The following WDR27 variants were observed in gnomAD, a reference collection of about 807,000 sequenced individuals.
The protein encoded by WDR27 is WD repeat domain 27.
WDR27 carries 100 observed loss-of-function variants against 114.4 expected under a neutral mutation model. The ratio of observed to expected loss-of-function variants is 0.87; its 90% confidence interval spans 0.74 to 1.03. The LOEUF (loss-of-function observed/expected upper bound fraction) is 1.03, where lower values mean the gene tolerates loss of function less well. WDR27 is among the 50% of genes least tolerant of loss of function. WDR27 has a pLI of 0.00. For missense variants in WDR27, 1,129 were observed against 1,092.9 expected (o/e 1.03, Z -0.47); for synonymous variants, 449 against 423.1 (o/e 1.06, Z -0.75).
In WDR27 at chr6:169,480,847, C is replaced by T. The variant is rs555529567; in HGVS notation, c.2646-23213G>A. On this transcript the variant is annotated intron_variant, in intron 25 of 25. Coordinates refer to ENST00000448612, the MANE Select transcript of WDR27 (RefSeq NM_182552.5). Reference sequence around the variant, plus strand: ...CAAGGTTTGTAAATGCACCAATCAGCACTCTGTGTCTAGCTAAAAGTTTGT... The same window carrying T: ...CAAGGTTTGTAAATGCACCAATCAGTACTCTGTGTCTAGCTAAAAGTTTGT... Among the ~76,000 whole-genome samples the T allele has an allele frequency of 2.7e-5, 4 of 148,258 alleles. No individual in the cohort carries two copies. The East Asian group carries it at 6.2e-4, about 23-fold the overall frequency.
At chr6:169,474,849 T>C (rs1201312203) in intron 25 of WDR27, among the ~76,000 whole-genome samples, 1 of 152,248 alleles carries the variant, frequency 6.6e-6, no homozygotes, top group Non-Finnish European at 1.5e-5. Context: ...ATAATCTTTC[T>C]AAATCAATGG....
At chr6:169,595,083 T>C (rs1584461954) in intron 23 of WDR27, among the ~76,000 whole-genome samples, 1 of 152,210 alleles carries the variant, frequency 6.6e-6, no homozygotes, top group African/African-American at 2.4e-5. Flanking sequence ...AGAGGATGGA[T>C]TGAGACCAGA....
intron 25 of WDR27, among the ~76,000 whole-genome samples, chr6:169,554,590 C>T (rs1005649464): frequency 2.0e-5 from 3 of 152,166 alleles, no homozygotes; most frequent in African/African-American, 7.2e-5. Context: ...ATTCCAGATC[C>T]CAAACTTTCG....
intron 25 of WDR27, among the ~76,000 whole-genome samples, chr6:169,465,377 A>G (rs1215604088): frequency 6.6e-6 from 1 of 152,148 alleles, no homozygotes; most frequent in Non-Finnish European, 1.5e-5. Context: ...GGACATGACT[A>G]TTAAAAAAAC....
chr6:169,513,832 TG>T (rs1793258079), intron 25 of WDR27, among the ~76,000 whole-genome samples: 3 of 151,956 alleles, frequency 2.0e-5, no homozygotes, highest in Non-Finnish European at 4.4e-5. Flanking sequence ...CCAATAGACA[TG>T]GGCACAGCCC....
chr6:169,577,303 CGAG>C (rs1227954722), intron 24 of WDR27, among the ~76,000 whole-genome samples: 2 of 152,016 alleles, frequency 1.3e-5, no homozygotes, highest in Non-Finnish European at 2.9e-5. Context: ...AGGCCCGCGC[CGAG>C]GAGGGGGCGT....
chr6:169,564,683 C>T (rs942808958), intron 25 of WDR27, among the ~76,000 whole-genome samples: 3 of 141,176 alleles, frequency 2.1e-5, no homozygotes, highest in Non-Finnish European at 3.1e-5. Context: ...TGGACAGAGC[C>T]CGGTGCTCAC....
chr6:169,634,698 A>G (rs9371157), intron 19 of WDR27, among the ~76,000 whole-genome samples, 173 bp from the exon 20 acceptor site: 12,788 of 152,258 alleles, frequency 0.084, 1,738 homozygotes, highest in East Asian at 0.61. Flanking sequence ...TCTTTAGGAA[A>G]AAAAACCTGT....
the WDR27 span, among the ~76,000 whole-genome samples, chr6:169,452,161 A>C: frequency 6.6e-6 from 1 of 152,214 alleles, no homozygotes; most frequent in Non-Finnish European, 1.5e-5. Context: ...GTGGAAGATA[A>C]GTCAGTAAGG....
chr6:169,587,065 T>C (rs1804784810), intron 23 of WDR27, among the ~76,000 whole-genome samples: 1 of 151,494 alleles, frequency 6.6e-6, no homozygotes, highest in African/African-American at 2.4e-5. Context: ...ACCAGTAGAG[T>C]TGACCTATCC....
chr6:169,444,995 A>T, the WDR27 span, among the ~76,000 whole-genome samples: 1 of 152,210 alleles, frequency 6.6e-6, no homozygotes, highest in African/African-American at 2.4e-5. Flanking sequence ...AGTGTGTTCA[A>T]ACAGGTAAAG....
At chr6:169,696,576 A>G (rs1347451008) in intron 1 of WDR27, among the ~76,000 whole-genome samples, 3 of 152,208 alleles carry the variant, frequency 2.0e-5, no homozygotes, top group Non-Finnish European at 4.4e-5. Flanking sequence ...GAAGACCTGA[A>G]GACCTCTTCC....
At chr6:169,444,148 G>A in the WDR27 span, among the ~76,000 whole-genome samples, 1 of 152,154 alleles carries the variant, frequency 6.6e-6, no homozygotes, top group Non-Finnish European at 1.5e-5. Flanking sequence ...AAGCACAGGT[G>A]CTCTGCCAGA....
rs1296286789 is a variant in WDR27 at position 169,559,679 on chromosome 6, A to G, written c.2645+12740T>C. 2.6e-5 allele frequency: 4 copies of G among 152,314 alleles called. No individual in the cohort carries two copies. In the East Asian group the frequency reaches 7.7e-4, roughly 29 times the overall value. The allele number at this position is 152,314 out of a possible 1,614,324, so 9.4% of individuals were successfully genotyped here. A position where few individuals can be genotyped will look rare whatever the true frequency, so the allele number is the denominator to read the frequency against. On this transcript the variant is annotated intron_variant, in intron 25 of 25. Transcript: ENST00000448612. ...AGAAAGACACGGCTTTCTGCTCTTG[A>G]ATCTGCCCCGAAAGGCTCCGTACAG... is the stretch of plus-strand genomic sequence containing the variant.
the WDR27 span, among the ~76,000 whole-genome samples, chr6:169,441,739 T>A: frequency 6.6e-5 from 10 of 152,240 alleles, no homozygotes; most frequent in African/African-American, 2.4e-4. Flanking sequence ...CAACAATGCA[T>A]AACATTTTTC....
intron 24 of WDR27, among the ~76,000 whole-genome samples, chr6:169,576,045 C>T (rs1225439444): frequency 1.6e-5 from 2 of 126,086 alleles, no homozygotes; most frequent in East Asian, 4.7e-4. Flanking sequence ...AAACTGCATA[C>T]TGCAAAGCTT....
intron 25 of WDR27, among the ~76,000 whole-genome samples, chr6:169,560,598 T>C (rs925842773): frequency 6.6e-6 from 1 of 152,356 alleles, no homozygotes; most frequent in East Asian, 1.9e-4. Context: ...AATTTGAAGA[T>C]GGGCTTGATG....
chr6:169,696,133 G>A (rs995915076), intron 1 of WDR27, among the ~76,000 whole-genome samples: 3 of 152,168 alleles, frequency 2.0e-5, no homozygotes, highest in East Asian at 1.9e-4. Context: ...ATTAACAAAC[G>A]AATACAAGTG....
chr6:169,697,726 AG>A (rs1226629500), intron 1 of WDR27, among the ~76,000 whole-genome samples: 1 of 152,170 alleles, frequency 6.6e-6, no homozygotes, highest in East Asian at 1.9e-4. Flanking sequence ...CAGGCAGGGA[AG>A]GGCCCCCTGT....
Sources: allele counts gnomAD v4.1 joint callset (sites outside exome capture counted in the v4.1 genomes callset), GRCh38; gene constraint gnomAD v4.1.1; transcripts MANE v1.5; gene names NCBI Gene and HGNC (gene_info 2026-07-23, HGNC 2026-07-21).